The following CRACR2A variants were observed in gnomAD, a reference collection of about 807,000 sequenced individuals.
CRACR2A encodes the protein calcium release activated channel regulator 2A, also known as EF-hand calcium-binding domain-containing protein 4B.
Under a neutral mutation model 90.5 loss-of-function variants are expected in CRACR2A, and 79 were observed. The observed-to-expected ratio is 0.87, with a 90% CI of 0.73 to 1.05. The LOEUF (loss-of-function observed/expected upper bound fraction) is 1.05, where lower values mean the gene tolerates loss of function less well. Ranked by LOEUF, CRACR2A falls within the 50% of genes least tolerant of loss-of-function variation. The pLI, the probability that CRACR2A is intolerant of heterozygous loss-of-function variation, is 0.00. For synonymous variants in CRACR2A, 338 were observed against 356.7 expected (o/e 0.95, Z 0.59); for missense variants, 823 against 897.2 (o/e 0.92, Z 1.06).
At chr12:3,696,541 A>C (rs1945743320) in intron 4 of CRACR2A, among the ~76,000 whole-genome samples, 3 of 152,178 alleles carry the variant, frequency 2.0e-5, no homozygotes, top group Admixed American at 2.0e-4. Context: ...CTGGAGAGCT[A>C]CTGAGGCAGA....
intron 12 of CRACR2A, among the ~76,000 whole-genome samples, chr12:3,642,118 T>C (rs1342042315): frequency 6.6e-6 from 1 of 152,156 alleles, no homozygotes; most frequent in Non-Finnish European, 1.5e-5. Flanking sequence ...ACTGATGATT[T>C]GTAAAAGGAA....
chr12:3,690,089 T>C (rs1945627597), intron 4 of CRACR2A, among the ~76,000 whole-genome samples: 1 of 152,022 alleles, frequency 6.6e-6, no homozygotes, highest in Non-Finnish European at 1.5e-5. Context: ...ATTAACTTTT[T>C]TTTTCAAAAA....
intron 3 of CRACR2A, among the ~76,000 whole-genome samples, chr12:3,712,472 C>A (rs927069263): frequency 9.2e-5 from 14 of 152,076 alleles, no homozygotes; most frequent in African/African-American, 3.4e-4. Flanking sequence ...AAAGCAGGAG[C>A]AACAGAGAGA....
rs1469453586 is a variant in CRACR2A, at chr12:3,615,440, C to T, written c.2112-1G>A. The T allele has an allele frequency of 1.3e-6, 2 of 1,549,234 alleles. No homozygotes were observed. The highest frequency in any genetic ancestry group is 1.7e-6 in the Non-Finnish European group (2 of 1,145,634). The stretch of plus-strand genomic sequence containing the variant: ...TGTGTCTTCTTGCTCCTTGAGGAAC[C>T]TGGGAGAGGGGAAGAGATCGTGTCA... On this transcript the variant is annotated splice_acceptor_variant, in intron 19 of 19. Coordinates refer to ENST00000440314, the MANE Select transcript of CRACR2A (RefSeq NM_001144958.2). LOFTEE classifies it high-confidence loss of function.
intron 13 of CRACR2A, among the ~76,000 whole-genome samples, chr12:3,641,074 G>A (rs1222005056): frequency 6.6e-6 from 1 of 152,144 alleles, no homozygotes; most frequent in Non-Finnish European, 1.5e-5. Flanking sequence ...GGCCGGGCAC[G>A]GTGGCTCACA....
Position 3,747,824 on chromosome 12 carries a change from C to G in CRACR2A, c.-387+5191G>C, listed in dbSNP as rs1187490957. Among the ~76,000 whole-genome samples the G allele has an allele frequency of 3.3e-5, 5 of 152,308 alleles. No individual in the cohort carries two copies. The East Asian group carries it at 9.7e-4, about 29-fold the overall frequency. On this transcript the variant is annotated intron_variant, in intron 1 of 19. Coordinates refer to ENST00000440314, the MANE Select transcript of CRACR2A (RefSeq NM_001144958.2). ...CTGTAGCACGTGTGCTACGTCTCAC[C>G]CTTCTCACCTTTCCTCTAACTAAGC...
At chr12:3,723,064 C>A (rs1422986668) in intron 2 of CRACR2A, among the ~76,000 whole-genome samples, 1 of 152,206 alleles carries the variant, frequency 6.6e-6, no homozygotes, top group Non-Finnish European at 1.5e-5. Flanking sequence ...GCATTTATGA[C>A]CATTGTAACT....
intron 12 of CRACR2A, among the ~76,000 whole-genome samples, chr12:3,643,188 C>T (rs889475650): frequency 6.6e-5 from 10 of 152,080 alleles, no homozygotes; most frequent in Non-Finnish European, 1.2e-4. Flanking sequence ...ATAGTACACA[C>T]AGGTGGGTGG....
At chr12:3,715,988 C>T (rs1946076713) in intron 2 of CRACR2A, among the ~76,000 whole-genome samples, 1 of 152,100 alleles carries the variant, frequency 6.6e-6, no homozygotes, top group African/African-American at 2.4e-5. Context: ...CTTGAAATTG[C>T]CCTTGTCTGA....
chr12:3,656,265 A>C, intron 9 of CRACR2A, 46 bp downstream of exon 9: 1 of 1,578,268 alleles, frequency 6.3e-7, no homozygotes, highest in Non-Finnish European at 8.7e-7. Context: ...AGAGAAAAGG[A>C]GAGAGTGAAG....
intron 1 of CRACR2A, among the ~76,000 whole-genome samples, chr12:3,735,737 C>A (rs1031563318): frequency 6.6e-6 from 1 of 152,204 alleles, no homozygotes; most frequent in Admixed American, 6.5e-5. Flanking sequence ...GTGGTTCTCA[C>A]AGTGGCCGTC....
In CRACR2A at chr12:3,716,380, T is replaced by G. The variant is rs149201728; in HGVS notation, c.-117-3063A>C. 8.3e-4 allele frequency among the ~76,000 whole-genome samples: 126 copies of G among 152,318 alleles called. 1 individual carries two copies. The highest frequency in any genetic ancestry group is 3.0e-3 in the African/African-American group (125 of 41,586). ...GATCCCACTTGTTTGAAAGTTCCAT[T>G]GAAAGCTCTGCTCTTGTCTGCAGCT... On this transcript the variant is annotated intron_variant, in intron 2 of 19. Coordinates refer to ENST00000440314, the MANE Select transcript of CRACR2A (RefSeq NM_001144958.2).
chr12:3,670,648 G>A (rs534580379), intron 7 of CRACR2A, among the ~76,000 whole-genome samples: 57 of 152,278 alleles, frequency 3.7e-4, no homozygotes, highest in African/African-American at 1.3e-3. Flanking sequence ...ACTAAAAGAG[G>A]CTCTAGTAGA....
intron 8 of CRACR2A, among the ~76,000 whole-genome samples, chr12:3,657,426 G>A (rs867950259): frequency 6.6e-6 from 1 of 152,232 alleles, no homozygotes; most frequent in African/African-American, 2.4e-5. Context: ...TGGCATGACA[G>A]CAGCAGCAGC....
chr12:3,687,054 C>T (rs918130404), intron 4 of CRACR2A, among the ~76,000 whole-genome samples: 8 of 152,248 alleles, frequency 5.3e-5, no homozygotes, highest in Non-Finnish European at 1.0e-4. Context: ...TGGCTACTTA[C>T]TGGTGGGCTC....
chr12:3,726,231 G>A (rs1235415925), intron 2 of CRACR2A: 5 of 151,698 alleles, frequency 3.3e-5, no homozygotes, highest in Non-Finnish European at 5.9e-5. Context: ...GAGAGAGAGA[G>A]AGCGAGCACA....
chr12:3,697,431 T>C (rs1247402820), intron 3 of CRACR2A, among the ~76,000 whole-genome samples: 2 of 152,246 alleles, frequency 1.3e-5, no homozygotes, highest in African/African-American at 4.8e-5. Context: ...TTTTTTCATG[T>C]AATTCTCACA....
intron 10 of CRACR2A, among the ~76,000 whole-genome samples, chr12:3,649,719 A>ACCCTCCGTGCCTGG (rs1944760909): frequency 1.3e-5 from 2 of 152,060 alleles, no homozygotes; most frequent in African/African-American, 4.8e-5. Context: ...TACCCTCAAC[A>ACCCTCCGTGCCTGG]CAGTGCCTGG....
At chr12:3,719,294 G>A (rs1263440911) in intron 2 of CRACR2A, among the ~76,000 whole-genome samples, 4 of 152,116 alleles carry the variant, frequency 2.6e-5, no homozygotes, top group African/African-American at 7.2e-5. Context: ...CCATGTCACC[G>A]CTGATGTCCT....
Sources: gnomAD v4.1 joint callset for allele counts (sites outside exome capture counted in the v4.1 genomes callset) on GRCh38, gnomAD v4.1.1 for gene constraint, MANE v1.5 for transcripts, NCBI Gene and HGNC (gene_info 2026-07-23, HGNC 2026-07-21) for gene names.